CNTN4: variants seen among roughly 807,000 people sequenced by gnomAD.
The protein encoded by CNTN4 is contactin 4, also known as contactin-4.
In CNTN4, 77 loss-of-function variants were observed where a neutral mutation model predicts 122.5. That is an observed-to-expected ratio of 0.63 (90% confidence interval 0.52 to 0.76). The LOEUF is 0.76. Ranked by LOEUF, CNTN4 falls within the 30% of genes least tolerant of loss-of-function variation. The probability of loss-of-function intolerance (pLI) is 0.00; values close to 1 mark genes in which losing one functional copy is unlikely to be tolerated. For missense variants in CNTN4, 1,256 were observed against 1,259.1 expected (o/e 1.00, Z 0.04); for synonymous variants, 512 against 447.0 (o/e 1.15, Z -1.83).
At chr3:3,036,790 A>G (rs1699647628) in intron 17 of CNTN4, among the ~76,000 whole-genome samples, 2 of 152,040 alleles carry the variant, frequency 1.3e-5, no homozygotes, top group South Asian at 2.1e-4. Context: ...AAAAGAAAAA[A>G]AAAAAGAAAA....
At chr3:2,950,454 A>G (rs2094727914) in intron 13 of CNTN4, among the ~76,000 whole-genome samples, 1 of 152,220 alleles carries the variant, frequency 6.6e-6, no homozygotes, top group African/African-American at 2.4e-5. Flanking sequence ...TCTTGTGCTC[A>G]GCAGTTAGGC....
At chr3:2,818,235 T>C (rs1002743805) in intron 6 of CNTN4, among the ~76,000 whole-genome samples, 4 of 152,218 alleles carry the variant, frequency 2.6e-5, no homozygotes, top group African/African-American at 9.6e-5. Flanking sequence ...TGTACAAACT[T>C]AAAATGTCCC....
chr3:2,368,237 T>G (rs1466133819), intron 3 of CNTN4, among the ~76,000 whole-genome samples: 2 of 151,626 alleles, frequency 1.3e-5, no homozygotes, highest in Non-Finnish European at 3.0e-5. Flanking sequence ...TTTCACCATG[T>G]TAGCCAGGAT....
intron 3 of CNTN4, among the ~76,000 whole-genome samples, chr3:2,483,878 T>C (rs2076074011): frequency 6.6e-6 from 1 of 152,184 alleles, no homozygotes; most frequent in African/African-American, 2.4e-5. Context: ...TAATACTGTC[T>C]AGATGACTTT....
At chr3:2,149,328 G>T (rs1361737499) in intron 2 of CNTN4, among the ~76,000 whole-genome samples, 1 of 152,012 alleles carries the variant, frequency 6.6e-6, no homozygotes, top group African/African-American at 2.4e-5. Context: ...CTGTTTTCAT[G>T]CGGAGCACAT....
chr3:2,868,850 G>C (rs983858793), intron 8 of CNTN4, among the ~76,000 whole-genome samples: 2 of 152,080 alleles, frequency 1.3e-5, no homozygotes, highest in African/African-American at 2.4e-5. Flanking sequence ...GGTGGGTTTG[G>C]GGGGTGGTGG....
rs575011374 is a variant in CNTN4 at position 2,492,793 on chromosome 3, G to A, written c.-88-78623G>A. ...TGGATTAGCTGTCTTTGTTGATATCGTTTAGGAAGAACCGCATGCCAGTAC... is the reference window on the plus strand; with the variant it reads ...TGGATTAGCTGTCTTTGTTGATATCATTTAGGAAGAACCGCATGCCAGTAC... On this transcript the variant is annotated intron_variant, in intron 3 of 24. Coordinates refer to ENST00000418658, the MANE Select transcript of CNTN4 (RefSeq NM_175607.3). 5.3e-5 allele frequency among the ~76,000 whole-genome samples: 8 copies of A among 152,208 alleles called. No individual in the cohort carries two copies. The South Asian group carries it at 6.2e-4, about 12-fold the overall frequency.
chr3:2,673,389 C>T (rs937657356), intron 4 of CNTN4, among the ~76,000 whole-genome samples: 1 of 152,134 alleles, frequency 6.6e-6, no homozygotes, highest in Non-Finnish European at 1.5e-5. Context: ...TCCTCCTATA[C>T]AGAAATGCAC....
intron 4 of CNTN4, among the ~76,000 whole-genome samples, chr3:2,660,563 A>T (rs2083836768): frequency 1.3e-5 from 2 of 152,250 alleles, no homozygotes; most frequent in African/African-American, 2.4e-5. Flanking sequence ...CCAGGCAATT[A>T]AAACTGTGGT....
At chr3:2,240,536 T>C (rs78748263) in intron 2 of CNTN4, among the ~76,000 whole-genome samples, 3 of 152,144 alleles carry the variant, frequency 2.0e-5, no homozygotes, top group South Asian at 4.1e-4. Flanking sequence ...AACTCTGAAA[T>C]CCTATGATTT....
rs1221509429 is a variant in CNTN4, at chr3:3,056,430, C to T, written c.*210C>T. 2 of 530,634 alleles carry T rather than the reference C, an allele frequency of 3.8e-6. No individual in the cohort carries two copies. The highest frequency in any genetic ancestry group is 6.8e-6 in the Non-Finnish European group (2 of 294,038). 32.9% of individuals were successfully genotyped at this position (530,634 alleles called of 1,614,324 possible). A position where few individuals can be genotyped will look rare whatever the true frequency, so the allele number is the denominator to read the frequency against. ...AAGTTTCTTTGGAAACTCTGCAATG[C>T]ACTGAAGACATCTGTAATATGATGT... On this transcript the variant is annotated 3_prime_UTR_variant, in exon 25 of 25. Transcript: ENST00000418658.
At chr3:2,485,426 A>T (rs2076127555) in intron 3 of CNTN4, among the ~76,000 whole-genome samples, 1 of 152,360 alleles carries the variant, frequency 6.6e-6, no homozygotes, top group Non-Finnish European at 1.5e-5. Flanking sequence ...AGGGATTGTA[A>T]ATACACCAAG....
At chr3:2,812,812 A>G (rs551298894) in intron 6 of CNTN4, among the ~76,000 whole-genome samples, 3 of 152,202 alleles carry the variant, frequency 2.0e-5, no homozygotes, top group African/African-American at 7.2e-5. Flanking sequence ...TCCTGACATT[A>G]GAAGTGAGAA....
At chr3:2,099,371 G>A (rs1574816028) in intron 1 of CNTN4, 1 of 152,346 alleles carries the variant, frequency 6.6e-6, no homozygotes, top group Non-Finnish European at 1.5e-5. Flanking sequence ...CCTCCGACTG[G>A]TTCGGGCTAC....
chr3:2,425,502 C>T (rs61353363), intron 3 of CNTN4, among the ~76,000 whole-genome samples: 1,584 of 152,156 alleles, frequency 0.01, 29 homozygotes, highest in South Asian at 0.06. Context: ...AGTCAGGTAG[C>T]GTGATGCCTC....
At chr3:2,570,737 C>G (rs2079386212) in intron 3 of CNTN4, among the ~76,000 whole-genome samples, 1 of 152,092 alleles carries the variant, frequency 6.6e-6, no homozygotes, top group Non-Finnish European at 1.5e-5. Context: ...AATGAGTGGC[C>G]TCTCTTCACT....
intron 2 of CNTN4, among the ~76,000 whole-genome samples, chr3:2,332,730 G>A (rs1448627212): frequency 4.3e-5 from 6 of 140,200 alleles, no homozygotes; most frequent in Non-Finnish European, 6.2e-5. Context: ...GTGGGGTGGG[G>A]GGAGTGGGGA....
chr3:2,888,187 C>G (rs1183725884), intron 10 of CNTN4, among the ~76,000 whole-genome samples: 2 of 152,146 alleles, frequency 1.3e-5, no homozygotes, highest in African/African-American at 4.8e-5. Context: ...GTTCTAAGCC[C>G]TCCAGTAGAC....
chr3:2,447,238 A>G (rs1039012204), intron 3 of CNTN4, among the ~76,000 whole-genome samples: 3 of 152,168 alleles, frequency 2.0e-5, no homozygotes, highest in Admixed American at 1.3e-4. Context: ...CAAGGAGCCT[A>G]AGCATATTGC....
Sources: allele counts gnomAD v4.1 joint callset (sites outside exome capture counted in the v4.1 genomes callset), GRCh38; gene constraint gnomAD v4.1.1; transcripts MANE v1.5; gene names NCBI Gene and HGNC (gene_info 2026-07-23, HGNC 2026-07-21).